Variants in TOMM34 observed in about 807,000 individuals in gnomAD.
The protein encoded by TOMM34 is mitochondrial import receptor subunit TOM34.
TOMM34 carries 24 observed loss-of-function variants against 37.4 expected under a neutral mutation model. The ratio of observed to expected loss-of-function variants is 0.64; its 90% confidence interval spans 0.46 to 0.90. TOMM34 has a LOEUF of 0.90. Ranked by LOEUF, TOMM34 falls within the 40% of genes least tolerant of loss-of-function variation. TOMM34 has a pLI of 0.00. For synonymous variants in TOMM34, 154 were observed against 148.9 expected (o/e 1.03, Z -0.25); for missense variants, 304 against 375.6 (o/e 0.81, Z 1.58).
At chr20:44,956,520 GA>G in intron 1 of TOMM34, 35 bp from the exon 2 acceptor site, 1 of 1,605,256 alleles carries the variant, frequency 6.2e-7, no homozygotes. Flanking sequence ...GATCAGTTTG[GA>G]AAATGGGTGC....
At chr20:44,956,555 A>G in intron 1 of TOMM34, 70 bp from the exon 2 acceptor site, 1 of 1,463,750 alleles carries the variant, frequency 6.8e-7, no homozygotes, top group East Asian at 2.3e-5. Context: ...GATACATTTC[A>G]AACTCAGAGC....
At chr20:44,960,071 G>T in intron 1 of TOMM34, 136 bp downstream of exon 1, 11 of 1,383,060 alleles carry the variant, frequency 8.0e-6, no homozygotes, top group Non-Finnish European at 1.0e-5. Context: ...GAAGTTTCTG[G>T]TAGGATGCCG....
At position 44,956,479 on chromosome 20, in the gene TOMM34, G is replaced by A. The variant is rs1480216020; in HGVS notation, c.134C>T (p.Ser45Leu). The A allele has an allele frequency of 6.2e-7, 1 of 1,614,152 alleles. No homozygotes were observed. Among genetic ancestry groups the A allele is most frequent in the Admixed American group, 1.7e-5 (1 of 60,022 alleles). ...GAGAACACTTTCTTCTTCTGGGTCT[G>A]AAGAACCTGCCCAGATAGAGTGGGG... The part of the protein sequence containing the change: ...ALRVLQAQGS[S>L]DPEEESVLYS... The change falls in exon 2 of 7, where the codon TCA (serine) becomes TTA (leucine). Residue 45 changes from serine to leucine, a missense_variant. By Grantham distance (145) the Ser-to-Leu change is moderately radical (BLOSUM62 -2). Coordinates refer to ENST00000372813, the MANE Select transcript of TOMM34 (RefSeq NM_006809.5).
rs756621021 is a variant in TOMM34 at position 44,943,112 on chromosome 20, G to A, written c.927C>T (p.His309=). Residue 309 remains histidine, a synonymous_variant, in exon 7 of 7, where the codon CAC becomes CAT. Transcript: ENST00000372813. ...KLRQEVKQNL[H] ...TTCCAGTTGCCCTGTTGGGTTTTTAGTGTAGGTTCTGCTTCACTTCCTGCC... is the reference window on the plus strand; with the variant it reads ...TTCCAGTTGCCCTGTTGGGTTTTTAATGTAGGTTCTGCTTCACTTCCTGCC... The A allele has an allele frequency of 7.4e-6, 12 of 1,614,088 alleles. No individual in the cohort carries two copies. The highest frequency in any genetic ancestry group is 1.0e-5 in the Non-Finnish European group (12 of 1,180,008).
intron 6 of TOMM34, 69 bp downstream of exon 6, chr20:44,943,384 T>C: frequency 6.2e-7 from 1 of 1,610,304 alleles, no homozygotes; most frequent in South Asian, 1.1e-5. Context: ...GGCTACACCC[T>C]GTAAATGGTG....
chr20:44,942,366 A>C lies in TOMM34; in HGVS notation c.*743T>G, dbSNP rs1432178124. 6.6e-6 allele frequency: 1 copy of C among 152,322 alleles called. No homozygotes were observed. The highest frequency in any genetic ancestry group is 2.4e-5 in the African/African-American group (1 of 41,468). 9.4% of individuals were successfully genotyped at this position (152,322 alleles called of 1,614,324 possible). A position where few individuals can be genotyped will look rare whatever the true frequency, so the allele number is the denominator to read the frequency against. Reference sequence around the variant, plus strand: ...CAAAAAACCAAGTCCCTGCCCAGAAAGCATGGACACTGACCAAGGAGGCCT... The same window carrying C: ...CAAAAAACCAAGTCCCTGCCCAGAACGCATGGACACTGACCAAGGAGGCCT... On this transcript the variant is annotated 3_prime_UTR_variant, in exon 7 of 7. Coordinates refer to ENST00000372813, the MANE Select transcript of TOMM34 (RefSeq NM_006809.5).
At chr20:44,946,480 A>G (rs1601137985) in intron 5 of TOMM34, among the ~76,000 whole-genome samples, 1 of 152,226 alleles carries the variant, frequency 6.6e-6, no homozygotes, top group African/African-American at 2.4e-5. Context: ...TCTGGCTTAA[A>G]TCTCAGCCAC....
intron 4 of TOMM34, among the ~76,000 whole-genome samples, chr20:44,951,285 G>A (rs114561061): frequency 4.7e-4 from 72 of 152,192 alleles, no homozygotes; most frequent in African/African-American, 1.5e-3. Flanking sequence ...ATGTGAGGCC[G>A]GGAACTGCTA....
In TOMM34 at chr20:44,943,580, C is replaced by T. The variant is rs1338038356; in HGVS notation, c.699-1G>A. 1 of 1,614,128 alleles carries T rather than the reference C, an allele frequency of 6.2e-7. No homozygotes were observed. The highest frequency in any genetic ancestry group is 2.2e-5 in the East Asian group (1 of 44,882). ...CTTCAGGACCAAATAGCAGAGTGCT[C>T]TGAAGGGAAAGACCATTTCAGAGGT... On this transcript the variant is annotated splice_acceptor_variant, in intron 5 of 6. Coordinates refer to ENST00000372813, the MANE Select transcript of TOMM34 (RefSeq NM_006809.5). LOFTEE classifies it high-confidence loss of function.
At chr20:44,955,587 G>A in intron 2 of TOMM34, 1 of 462,906 alleles carries the variant, frequency 2.2e-6, no homozygotes, top group Non-Finnish European at 4.3e-6. Flanking sequence ...GGTGGTGTCT[G>A]AATTCCACCT....
intron 3 of TOMM34, among the ~76,000 whole-genome samples, chr20:44,954,243 T>C (rs2067051012): frequency 6.6e-6 from 1 of 152,184 alleles, no homozygotes; most frequent in Non-Finnish European, 1.5e-5. Context: ...TCATGTTGTA[T>C]TGTGCTTGCC....
At position 44,942,727 on chromosome 20, in the gene TOMM34, C is replaced by T. The variant is rs959836143; in HGVS notation, c.*382G>A. The T allele has an allele frequency of 2.4e-4, 59 of 242,040 alleles. No individual in the cohort carries two copies. The highest frequency in any genetic ancestry group is 1.4e-3 in the Middle Eastern group (1 of 696). 15.0% of individuals were successfully genotyped at this position (242,040 alleles called of 1,614,324 possible). A position where few individuals can be genotyped will look rare whatever the true frequency, so the allele number is the denominator to read the frequency against. On this transcript the variant is annotated 3_prime_UTR_variant, in exon 7 of 7. Coordinates refer to ENST00000372813, the MANE Select transcript of TOMM34 (RefSeq NM_006809.5). ...GAGCTCAGGTTGTTCAGATGAACTG[C>T]AGTGAGTTGGGGTCTGGGGAAGCTA...
chr20:44,955,729 CA>C (rs749106677), intron 2 of TOMM34: 1 of 431,838 alleles, frequency 2.3e-6, no homozygotes. Context: ...AAATCTGGCA[CA>C]AGGCATGGCA....
At chr20:44,946,274 T>G (rs2066980374) in intron 5 of TOMM34, among the ~76,000 whole-genome samples, 1 of 152,156 alleles carries the variant, frequency 6.6e-6, no homozygotes, top group African/African-American at 2.4e-5. Context: ...AATAGAAATG[T>G]GATTAATAGG....
intron 3 of TOMM34, among the ~76,000 whole-genome samples, chr20:44,953,656 C>T (rs1601146017): frequency 6.6e-6 from 1 of 152,178 alleles, no homozygotes; most frequent in African/African-American, 2.4e-5. Context: ...CAGTCACCTC[C>T]GACTGAATGT....
At chr20:44,952,550 G>A in intron 3 of TOMM34, 1 of 716,002 alleles carries the variant, frequency 1.4e-6, no homozygotes, top group South Asian at 1.5e-5. Context: ...TCAAGACTTT[G>A]CACATGCTTT....
At chr20:44,959,775 T>C (rs1313682947) in intron 1 of TOMM34, among the ~76,000 whole-genome samples, 2 of 152,156 alleles carry the variant, frequency 1.3e-5, no homozygotes, top group African/African-American at 4.8e-5. Flanking sequence ...ATTTGTCTTC[T>C]TCCTAACCCT....
Position 44,955,093 on chromosome 20 carries a change from T to C in TOMM34, c.355A>G (p.Thr119Ala), listed in dbSNP as rs1412207549. The C allele has an allele frequency of 1.2e-5, 19 of 1,614,040 alleles. No homozygotes were observed. Among genetic ancestry groups the C allele is most frequent in the Non-Finnish European group, 1.4e-5 (17 of 1,180,030 alleles). The change falls in exon 3 of 7, where the codon ACG (threonine) becomes GCG (alanine). Residue 119 changes from threonine (T) to alanine (A), a missense_variant. Thr to Ala is a moderately conservative substitution (Grantham distance 58, BLOSUM62 0). Transcript: ENST00000372813. ...KTVLQIDDNV[T>A]SAVEGINRMT... ...CTGTTGATGCCTTCTACGGCTGACGTCACATTATCATCAATCTGCAGCACA... is the reference window on the plus strand; with the variant it reads ...CTGTTGATGCCTTCTACGGCTGACGCCACATTATCATCAATCTGCAGCACA...
In TOMM34 at chr20:44,960,199, G is replaced by C; in HGVS notation, c.127+8C>G. On this transcript the variant is annotated splice_region_variant and intron_variant, in intron 1 of 6. Coordinates refer to ENST00000372813, the MANE Select transcript of TOMM34 (RefSeq NM_006809.5). ...GGCCCGGAGGTGAGATGGGGGCCGG[G>C]GTCGTACCTTGCGCCTGCAGCACCC... 6.4e-7 allele frequency: 1 copy of C among 1,556,438 alleles called. No individual in the cohort carries two copies. Among genetic ancestry groups the C allele is most frequent in the Non-Finnish European group, 8.7e-7 (1 of 1,151,508 alleles).
Sources: gnomAD v4.1 joint callset for allele counts (sites outside exome capture counted in the v4.1 genomes callset) on GRCh38, gnomAD v4.1.1 for gene constraint, MANE v1.5 for transcripts, NCBI Gene and HGNC (gene_info 2026-07-23, HGNC 2026-07-21) for gene names.